BACH2: variants seen among roughly 807,000 people sequenced by gnomAD.
BACH2 encodes the protein BACH transcriptional regulator 2, also known as transcription regulator protein BACH2.
Under a neutral mutation model 61.8 loss-of-function variants are expected in BACH2, and 5 were observed. The ratio of observed to expected loss-of-function variants is 0.08; its 90% CI spans 0.04 to 0.17. The LOEUF (loss-of-function observed/expected upper bound fraction) is 0.17. Among genes scored for constraint, BACH2 ranks in the 10% least tolerant of loss-of-function variants. BACH2 has a pLI of 1.00. For synonymous variants in BACH2, 446 were observed against 440.1 expected, an observed-to-expected ratio of 1.01 and a Z score of -0.17; for missense variants, 824 against 1,091.1, an observed-to-expected ratio of 0.76 and a Z score of 3.45.
At chr6:90,294,854 T>G (rs572577453) in intron 1 of BACH2, among the ~76,000 whole-genome samples, 4 of 152,364 alleles carry the variant, frequency 2.6e-5, no homozygotes, top group South Asian at 4.1e-4. Flanking sequence ...TGTTACATTT[T>G]AATGATCTGA....
intron 5 of BACH2, among the ~76,000 whole-genome samples, chr6:90,065,446 A>T (rs1022521045): frequency 6.6e-6 from 1 of 151,970 alleles, no homozygotes; most frequent in Non-Finnish European, 1.5e-5. Context: ...TTAAAGGACC[A>T]GCAGGAAATA....
At chr6:90,082,377 C>T (rs985326476) in intron 5 of BACH2, among the ~76,000 whole-genome samples, 1 of 152,002 alleles carries the variant, frequency 6.6e-6, no homozygotes, top group Admixed American at 6.6e-5. Flanking sequence ...GGAATTTCCA[C>T]CTGATAAAGA....
chr6:90,071,952 G>A (rs769028239), intron 5 of BACH2, among the ~76,000 whole-genome samples: 10 of 152,274 alleles, frequency 6.6e-5, no homozygotes, highest in Admixed American at 1.3e-4. Context: ...GCAGACTGAG[G>A]AGGAGGAAGA....
In BACH2 at chr6:90,144,223, G is replaced by A. The variant is rs182810462; in HGVS notation, c.-161-55114C>T. Reference sequence around the variant, plus strand: ...CTTGCCTTTTGGGAAAACCACATCTGTTAATTGTGTACAACACAAAGAAAA... The same window carrying A: ...CTTGCCTTTTGGGAAAACCACATCTATTAATTGTGTACAACACAAAGAAAA... On this transcript the variant is annotated intron_variant, in intron 4 of 8. Coordinates refer to ENST00000257749, the MANE Select transcript of BACH2 (RefSeq NM_021813.4). Among the ~76,000 whole-genome samples, 107 of 152,284 alleles carry A rather than the reference G, an allele frequency of 7.0e-4. 1 individual carries two copies. Among genetic ancestry groups the A allele is most frequent in the Middle Eastern group, 6.8e-3 (2 of 294 alleles).
chr6:90,084,484 C>T (rs1582331734), intron 5 of BACH2, among the ~76,000 whole-genome samples: 1 of 151,370 alleles, frequency 6.6e-6, no homozygotes, highest in Non-Finnish European at 1.5e-5. Flanking sequence ...TTACTTTCCT[C>T]TCCCTTAGAC....
intron 6 of BACH2, among the ~76,000 whole-genome samples, chr6:89,964,064 G>C (rs972983625): frequency 6.6e-6 from 1 of 152,142 alleles, no homozygotes; most frequent in Non-Finnish European, 1.5e-5. Context: ...TGTGGGGTGG[G>C]AGGAGTGGGG....
intron 4 of BACH2, among the ~76,000 whole-genome samples, chr6:90,193,150 G>A (rs1307015867): frequency 6.6e-6 from 1 of 152,206 alleles, no homozygotes; most frequent in African/African-American, 2.4e-5. Context: ...AAGAAGTGAG[G>A]TGCAGACAAT....
chr6:90,161,253 A>G (rs931989880), intron 4 of BACH2, among the ~76,000 whole-genome samples: 4 of 152,222 alleles, frequency 2.6e-5, no homozygotes, highest in African/African-American at 9.7e-5. Flanking sequence ...AGTTAAAGCT[A>G]TCTAAACTGA....
intron 5 of BACH2, among the ~76,000 whole-genome samples, chr6:90,069,312 G>C (rs1454400026): frequency 6.6e-6 from 1 of 152,220 alleles, no homozygotes; most frequent in Non-Finnish European, 1.5e-5. Context: ...CAGTAAAACA[G>C]TTGAAATTTA....
intron 5 of BACH2, among the ~76,000 whole-genome samples, chr6:90,041,336 A>G (rs1779523646): frequency 6.6e-6 from 1 of 151,528 alleles, no homozygotes; most frequent in African/African-American, 2.4e-5. Flanking sequence ...GGAGGTATCC[A>G]TCACTTCTGA....
chr6:90,284,148 C>T (rs150621291), intron 1 of BACH2, among the ~76,000 whole-genome samples: 2 of 152,180 alleles, frequency 1.3e-5, no homozygotes, highest in South Asian at 2.1e-4. Flanking sequence ...GGGATAAGAC[C>T]ACTGTGATAC....
At chr6:90,249,849 T>C (rs904390530) in intron 3 of BACH2, among the ~76,000 whole-genome samples, 1 of 152,192 alleles carries the variant, frequency 6.6e-6, no homozygotes, top group African/African-American at 2.4e-5. Context: ...AAGAAAACCC[T>C]ACCAAGAATT....
chr6:90,205,002 C>T (rs1055432895), intron 4 of BACH2, among the ~76,000 whole-genome samples: 2 of 152,116 alleles, frequency 1.3e-5, no homozygotes, highest in Non-Finnish European at 1.5e-5. Context: ...TAGGATAAAG[C>T]GGCCAGAGTC....
At chr6:90,094,312 T>C (rs960691272) in intron 4 of BACH2, among the ~76,000 whole-genome samples, 3 of 152,200 alleles carry the variant, frequency 2.0e-5, no homozygotes, top group African/African-American at 4.8e-5. Context: ...AGGATTTTCT[T>C]AGTGGCTTTA....
intron 5 of BACH2, among the ~76,000 whole-genome samples, chr6:90,032,917 T>C (rs907227443): frequency 5.3e-5 from 8 of 152,174 alleles, no homozygotes; most frequent in Admixed American, 2.0e-4. Context: ...TGTATGTTTA[T>C]TGGGGCACTA....
intron 4 of BACH2, among the ~76,000 whole-genome samples, chr6:90,183,356 CAT>C (rs1768232280): frequency 1.3e-5 from 2 of 152,126 alleles, no homozygotes; most frequent in African/African-American, 4.8e-5. Context: ...ACCAAATGTC[CAT>C]ATATAACATA....
chr6:90,174,324 T>C (rs532017678), intron 4 of BACH2, among the ~76,000 whole-genome samples: 1 of 152,078 alleles, frequency 6.6e-6, no homozygotes, highest in Non-Finnish European at 1.5e-5. Flanking sequence ...TCTCAAAGAA[T>C]ATAGAAAAAG....
rs534714118 is a variant in BACH2, at chr6:89,927,419, C to T, written c.*4989G>A. ...CTTTGTCCAAGTCCCTTCACTCTTTCGCAACATATGCGTCTGATTATTCCC... is the reference window on the plus strand; with the variant it reads ...CTTTGTCCAAGTCCCTTCACTCTTTTGCAACATATGCGTCTGATTATTCCC... On this transcript the variant is annotated 3_prime_UTR_variant, in exon 9 of 9. Transcript: ENST00000257749. 24 of 152,926 alleles carry T rather than the reference C, an allele frequency of 1.6e-4. No homozygotes were observed. The South Asian group carries it at 1.7e-3, about 11-fold the overall frequency. 9.5% of individuals were successfully genotyped at this position (152,926 alleles called of 1,614,324 possible).
At chr6:89,975,384 AT>A (rs1775596060) in intron 6 of BACH2, among the ~76,000 whole-genome samples, 1 of 152,076 alleles carries the variant, frequency 6.6e-6, no homozygotes, top group East Asian at 1.9e-4. Flanking sequence ...TAACAATTTC[AT>A]TTTTTTCTTT....
Sources: allele counts gnomAD v4.1 joint callset (sites outside exome capture counted in the v4.1 genomes callset), GRCh38; gene constraint gnomAD v4.1.1; transcripts MANE v1.5; gene names NCBI Gene and HGNC (gene_info 2026-07-23, HGNC 2026-07-21).